Variants in DCP1A observed in about 807,000 individuals in gnomAD.
DCP1A encodes decapping mRNA 1A.
DCP1A carries 20 observed loss-of-function variants against 58.0 expected under a neutral mutation model. That is an observed-to-expected ratio of 0.34 (90% CI 0.24 to 0.50). DCP1A has a LOEUF of 0.50. DCP1A is among the 20% of genes least tolerant of loss of function. DCP1A has a pLI of 0.98. For synonymous variants in DCP1A, 285 were observed against 275.1 expected (o/e 1.04, Z -0.36); for missense variants, 613 against 712.2 (o/e 0.86, Z 1.59).
chr3:53,345,189 T>C (rs546348110), intron 1 of DCP1A, among the ~76,000 whole-genome samples: 15 of 152,314 alleles, frequency 9.8e-5, no homozygotes, highest in Middle Eastern at 3.4e-3. Context: ...ATCTGCAGTA[T>C]TTTTCTTTTT....
chr3:53,326,976 ACCC>A (rs369209976), intron 3 of DCP1A, among the ~76,000 whole-genome samples: 2 of 99,718 alleles, frequency 2.0e-5, no homozygotes, highest in East Asian at 3.4e-4. Flanking sequence ...GACATGTCCA[ACCC>A]CCCCCCCCCA....
At position 53,290,794 on chromosome 3, in the gene DCP1A, G is replaced by T. The variant is rs782025873; in HGVS notation, c.1446C>A (p.Ile482=). ...AAAAAAAAAAGCGAGTCCTTACCGG[G>T]ATGGCACTGGATAACACCTTAGGCT... is the stretch of plus-strand genomic sequence containing the variant. ...FVQPKVLSSA[I]PVAGAPLVTA... Residue 482 remains isoleucine (I), a synonymous_variant, in exon 8 of 10, where the codon ATC becomes ATA. Coordinates refer to ENST00000610213, the MANE Select transcript of DCP1A (RefSeq NM_018403.7). 231 of 1,534,058 alleles carry T rather than the reference G, an allele frequency of 1.5e-4. No individual in the cohort carries two copies. The highest frequency in any genetic ancestry group is 1.9e-4 in the Non-Finnish European group (215 of 1,120,518).
intron 3 of DCP1A, among the ~76,000 whole-genome samples, chr3:53,334,865 T>A (rs2089083016): frequency 6.6e-6 from 1 of 152,122 alleles, no homozygotes; most frequent in Non-Finnish European, 1.5e-5. Flanking sequence ...CTGTTGTTTT[T>A]GTTGAAAAGT....
chr3:53,321,846 C>T (rs1424979866), intron 3 of DCP1A, among the ~76,000 whole-genome samples: 1 of 152,026 alleles, frequency 6.6e-6, no homozygotes, highest in Non-Finnish European at 1.5e-5. Flanking sequence ...TTTATAGAAA[C>T]AAAAAGTTAG....
In DCP1A at chr3:53,319,438, C is replaced by T; in HGVS notation, c.340G>A (p.Asp114Asn). The change falls in exon 4 of 10, where the codon GAC becomes AAC. Residue 114 changes from aspartate to asparagine, a missense_variant. Physicochemically the swap from Asp to Asn is conservative, Grantham distance 23 (BLOSUM62 1). Around this residue, in one of 3 missense-constraint regions of DCP1A, gnomAD observed 65 missense variants for 118.5 expected, o/e 0.55. Coordinates refer to ENST00000610213, the MANE Select transcript of DCP1A (RefSeq NM_018403.7). ...IYSIWFYDKN[D>N]CHRIAKLMAD... ...ATGAGTTTTGCTATGCGGTGACAGTCATTCTTGTCATAAAACCAGATACTA... is the reference window on the plus strand; with the variant it reads ...ATGAGTTTTGCTATGCGGTGACAGTTATTCTTGTCATAAAACCAGATACTA... The T allele has an allele frequency of 6.4e-7, 1 of 1,561,856 alleles. No individual in the cohort carries two copies. The highest frequency in any genetic ancestry group is 8.7e-7 in the Non-Finnish European group (1 of 1,150,970).
intron 4 of DCP1A, among the ~76,000 whole-genome samples, chr3:53,317,215 G>C (rs567267468): frequency 3.3e-5 from 5 of 152,190 alleles, no homozygotes; most frequent in African/African-American, 9.6e-5. Context: ...GCCCAGGCTG[G>C]AATGCAATGG....
chr3:53,316,237 A>AAAC (rs1284386622), intron 4 of DCP1A, among the ~76,000 whole-genome samples: 2 of 152,210 alleles, frequency 1.3e-5, no homozygotes, highest in Admixed American at 6.5e-5. Context: ...AATATGTAGC[A>AAAC]AACAACAACA....
At chr3:53,345,037 T>C in intron 1 of DCP1A, 95 bp from the exon 2 acceptor site, 1 of 942,222 alleles carries the variant, frequency 1.1e-6, no homozygotes, top group Non-Finnish European at 1.6e-6. Context: ...TAAGATCAAC[T>C]TGTTTCATTT....
chr3:53,293,201 T>C (rs1035689994), intron 6 of DCP1A, among the ~76,000 whole-genome samples: 6 of 152,088 alleles, frequency 3.9e-5, no homozygotes, highest in African/African-American at 9.7e-5. Flanking sequence ...ACCTTTACTT[T>C]CACTGTTCTC....
intron 3 of DCP1A, among the ~76,000 whole-genome samples, chr3:53,337,072 G>T (rs190840283): frequency 2.0e-5 from 3 of 151,890 alleles, no homozygotes; most frequent in East Asian, 3.9e-4. Flanking sequence ...GGGTTTCGCC[G>T]TGTTGGCCAG....
At chr3:53,303,819 G>C (rs1375014043) in intron 6 of DCP1A, among the ~76,000 whole-genome samples, 11 of 152,212 alleles carry the variant, frequency 7.2e-5, no homozygotes, top group Admixed American at 6.5e-4. Flanking sequence ...AGATAAGGTA[G>C]GGCCTCGTGG....
chr3:53,344,843 G>T, intron 2 of DCP1A, 59 bp downstream of exon 2: 1 of 1,288,974 alleles, frequency 7.8e-7, no homozygotes, highest in Non-Finnish European at 1.1e-6. Context: ...GAATTGAACC[G>T]TTTCACATTG....
chr3:53,291,659 T>C (rs1706880056), intron 7 of DCP1A, among the ~76,000 whole-genome samples: 1 of 152,096 alleles, frequency 6.6e-6, no homozygotes, highest in African/African-American at 2.4e-5. Flanking sequence ...ATATGGGCAG[T>C]TGAAAAAATC....
intron 8 of DCP1A, 82 bp downstream of exon 8, chr3:53,290,709 C>T (rs1575591773): frequency 9.8e-7 from 1 of 1,023,302 alleles, no homozygotes; most frequent in Non-Finnish European, 1.4e-6. Context: ...ATTCCTTGTT[C>T]TACTCTTTCT....
intron 7 of DCP1A, among the ~76,000 whole-genome samples, chr3:53,291,290 C>T (rs782135480): frequency 1.7e-5 from 2 of 120,986 alleles, no homozygotes; most frequent in East Asian, 2.1e-4. Flanking sequence ...TCATGGAAAA[C>T]GGGGCATCCA....
chr3:53,307,469 T>C (rs574966983), intron 5 of DCP1A, among the ~76,000 whole-genome samples: 1 of 152,356 alleles, frequency 6.6e-6, no homozygotes, highest in African/African-American at 2.4e-5. Flanking sequence ...CCCGGCCTGC[T>C]TTACTCACTA....
chr3:53,344,799 C>CTA, intron 2 of DCP1A, 103 bp downstream of exon 2: 1 of 817,528 alleles, frequency 1.2e-6, no homozygotes. Flanking sequence ...TTGAAGGGTA[C>CTA]TAGCAGGACG....
At position 53,287,532 on chromosome 3, in the gene DCP1A, A is replaced by C. The variant is rs781953938; in HGVS notation, c.*48T>G. The C allele has an allele frequency of 3.8e-6, 5 of 1,320,934 alleles. No homozygotes were observed. In the African/African-American group the frequency reaches 7.3e-5, roughly 19 times the overall value. The allele number at this position is 1,320,934 out of a possible 1,614,324, so 81.8% of individuals were successfully genotyped here. A position where few individuals can be genotyped will look rare whatever the true frequency, so the allele number is the denominator to read the frequency against. ...CTCAGAAGTTTCCATGATGAAGCCT[A>C]TTTGTCTCTGAGGCTGGGGCTCTGC... On this transcript the variant is annotated 3_prime_UTR_variant, in exon 10 of 10. Coordinates refer to ENST00000610213, the MANE Select transcript of DCP1A (RefSeq NM_018403.7).
chr3:53,312,636 C>T (rs1373893489), intron 4 of DCP1A, among the ~76,000 whole-genome samples: 6 of 151,658 alleles, frequency 4.0e-5, no homozygotes, highest in Non-Finnish European at 7.4e-5. Context: ...GCTGGGACTA[C>T]AGCGCCCACC....
Sources: allele counts gnomAD v4.1 joint callset (sites outside exome capture counted in the v4.1 genomes callset), GRCh38; gene constraint gnomAD v4.1.1; regional missense constraint gnomAD v4.1.1; transcripts MANE v1.5; gene names NCBI Gene and HGNC (gene_info 2026-07-23, HGNC 2026-07-21).